ESRP2: variants seen among roughly 807,000 people sequenced by gnomAD.
The protein encoded by ESRP2 is RNA binding motif protein 35A.
ESRP2 carries 48 observed loss-of-function variants against 78.6 expected under a neutral mutation model. That is an observed-to-expected ratio of 0.61 (90% CI 0.48 to 0.78). ESRP2 has a LOEUF of 0.78. Among genes scored for constraint, ESRP2 ranks in the 30% least tolerant of loss-of-function variants. ESRP2 has a pLI of 0.00. For synonymous variants in ESRP2, 383 were observed against 406.7 expected (o/e 0.94, Z 0.70); for missense variants, 863 against 965.9 (o/e 0.89, Z 1.41).
At position 68,230,371 on chromosome 16, in the gene ESRP2, C is replaced by G; in HGVS notation, c.2064+18G>C. 1 of 1,614,092 alleles carries G rather than the reference C, an allele frequency of 6.2e-7. No homozygotes were observed. The highest frequency in any genetic ancestry group is 8.5e-7 in the Non-Finnish European group (1 of 1,179,948). On this transcript the variant is annotated intron_variant, in intron 14 of 14. Coordinates refer to ENST00000473183, the MANE Select transcript of ESRP2 (RefSeq NM_024939.3). Reference sequence around the variant, plus strand: ...AGCTCAGCCAGACCCGCCAGGCCCTCCGGCCACACAATCTCACCTGGTAGG... The same window carrying G: ...AGCTCAGCCAGACCCGCCAGGCCCTGCGGCCACACAATCTCACCTGGTAGG...
chr16:68,230,120 G>A lies in ESRP2; in HGVS notation c.*106C>T. The A allele has an allele frequency of 9.2e-7, 1 of 1,085,360 alleles. No homozygotes were observed. The highest frequency in any genetic ancestry group is 1.4e-6 in the Non-Finnish European group (1 of 715,986). 67.2% of individuals were successfully genotyped at this position (1,085,360 alleles called of 1,614,324 possible). A position where few individuals can be genotyped will look rare whatever the true frequency, so the allele number is the denominator to read the frequency against. On this transcript the variant is annotated 3_prime_UTR_variant, in exon 15 of 15. Coordinates refer to ENST00000473183, the MANE Select transcript of ESRP2 (RefSeq NM_024939.3). ...CCTCTAGGTACCTTCTGAGAGCTTT[G>A]ACAAGCCAGAAAGAAGCTACCAGGT...
At position 68,233,392 on chromosome 16, in the gene ESRP2, T is replaced by C; in HGVS notation, c.590A>G (p.Asp197Gly). Reference protein sequence around the residue: ...LGLETDATEDDFGVWEVKTMV... With the variant: ...LGLETDATEDGFGVWEVKTMV... Reference sequence around the variant, plus strand: ...TGTCTTGACTTCCCAGACCCCAAAGTCATCCTCTGTGGCATCTGTCTCCAG... The same window carrying C: ...TGTCTTGACTTCCCAGACCCCAAAGCCATCCTCTGTGGCATCTGTCTCCAG... Residue 197 changes from aspartate (D) to glycine (G), a missense_variant, in exon 5 of 15, where the codon GAC (aspartate) becomes GGC (glycine). Coordinates refer to ENST00000473183, the MANE Select transcript of ESRP2 (RefSeq NM_024939.3). The C allele has an allele frequency of 6.2e-7, 1 of 1,614,038 alleles. No homozygotes were observed. Among genetic ancestry groups the C allele is most frequent in the Non-Finnish European group, 8.5e-7 (1 of 1,179,942 alleles).
chr16:68,232,609 C>G lies in ESRP2; in HGVS notation c.789G>C (p.Val263=), dbSNP rs2042160300. 1 of 1,614,208 alleles carries G rather than the reference C, an allele frequency of 6.2e-7. No individual in the cohort carries two copies. Among genetic ancestry groups the G allele is most frequent in the Admixed American group, 1.7e-5 (1 of 60,020 alleles). The change falls in exon 7 of 15, where the codon GTG becomes GTC. Residue 263 remains valine, a synonymous_variant. Coordinates refer to ENST00000473183, the MANE Select transcript of ESRP2 (RefSeq NM_024939.3). This position sits in a 1 kb window ranked among gnomAD's most constrained non-coding sequence, Gnocchi z 5.2. ...CGTTGAGCCCTTTGAAGAAGCGAGCCACGTCCTGGTCTGATGACTGCCACG... is the reference window on the plus strand; with the variant it reads ...CGTTGAGCCCTTTGAAGAAGCGAGCGACGTCCTGGTCTGATGACTGCCACG... ...GLPWQSSDQD[V]ARFFKGLNVA...
Position 68,233,769 on chromosome 16 carries a change from C to G in ESRP2, c.555G>C (p.Gln185His), listed in dbSNP as rs755229642. 4 of 1,612,112 alleles carry G rather than the reference C, an allele frequency of 2.5e-6. No homozygotes were observed. The highest frequency in any genetic ancestry group is 4.5e-5 in the East Asian group (2 of 44,878). The change falls in exon 4 of 15, where the codon CAG becomes CAC. Residue 185 changes from glutamine (Q) to histidine (H), a missense_variant and splice_region_variant. By Grantham distance (24) the Gln-to-His change is conservative. Coordinates refer to ENST00000473183, the MANE Select transcript of ESRP2 (RefSeq NM_024939.3). Reference sequence around the variant, plus strand: ...CTAACCCTGCTGGGTCACAGATACCCTGTGCCATGGTGGCCACAGTGAGGT... The same window carrying G: ...CTAACCCTGCTGGGTCACAGATACCGTGTGCCATGGTGGCCACAGTGAGGT... ...ARDLTVATMA[Q>H]GLGLETDATE...
rs1313714654 is a variant in ESRP2, at chr16:68,232,909, A to AAATG, written c.656-98_656-95dup. The AAATG allele has an allele frequency of 6.4e-7, 1 of 1,563,638 alleles. No individual in the cohort carries two copies. Among genetic ancestry groups the AAATG allele is most frequent in the Non-Finnish European group, 8.8e-7 (1 of 1,140,836 alleles). ...AAGTGGACAATTGAGAGAGATGAAG[A>AAATG]AATGACAGGCCGAGCACAGTGGCTC... On this transcript the variant is annotated intron_variant, in intron 5 of 14. Coordinates refer to ENST00000473183, the MANE Select transcript of ESRP2 (RefSeq NM_024939.3). This position sits in a 1 kb window ranked among gnomAD's most constrained non-coding sequence, Gnocchi z 5.2.
Position 68,232,949 on chromosome 16 carries a change from A to C in ESRP2, c.656-134T>G. On this transcript the variant is annotated intron_variant, in intron 5 of 14. Transcript: ENST00000473183. This position sits in a 1 kb window ranked among gnomAD's most constrained non-coding sequence, Gnocchi z 5.2. ...CACAGTGGCTCACGCCTATAATCCC[A>C]GCACTTTGGGAGGCCAAGGTGGGTG... 1.5e-6 allele frequency: 2 copies of C among 1,311,680 alleles called. No individual in the cohort carries two copies. Among genetic ancestry groups the C allele is most frequent in the Non-Finnish European group, 2.1e-6 (2 of 940,218 alleles). 81.3% of individuals were successfully genotyped at this position (1,311,680 alleles called of 1,614,324 possible).
chr16:68,232,043 C>G lies in ESRP2; in HGVS notation c.1058G>C (p.Arg353Pro). The G allele has an allele frequency of 6.2e-7, 1 of 1,614,016 alleles. No individual in the cohort carries two copies. Among genetic ancestry groups the G allele is most frequent in the Non-Finnish European group, 8.5e-7 (1 of 1,179,972 alleles). Residue 353 changes from arginine to proline, a missense_variant, in exon 10 of 15, where the codon CGG becomes CCG. By Grantham distance (103) the Arg-to-Pro change is moderately radical. Coordinates refer to ENST00000473183, the MANE Select transcript of ESRP2 (RefSeq NM_024939.3). This position sits in a 1 kb window ranked among gnomAD's most constrained non-coding sequence, Gnocchi z 5.2. The part of the protein sequence containing the change: ...SREDQVILRL[R>P]GLPFSAGPTD... ...TGGCCCAGCCGAGAAGGGCAGTCCC[C>G]GCAGCCGCAGGATCACTTGGTCTTC...
In ESRP2 at chr16:68,235,933, G is replaced by A; in HGVS notation, c.113C>T (p.Ala38Val). The A allele has an allele frequency of 6.2e-7, 1 of 1,611,448 alleles. No individual in the cohort carries two copies. Among genetic ancestry groups the A allele is most frequent in the Non-Finnish European group, 8.5e-7 (1 of 1,179,438 alleles). Residue 38 changes from alanine (A) to valine (V), a missense_variant, in exon 1 of 15, where the codon GCG becomes GTG. By Grantham distance (64) the Ala-to-Val change is moderately conservative (BLOSUM62 0). Transcript: ENST00000473183. This position sits in a 1 kb window ranked among gnomAD's most constrained non-coding sequence, Gnocchi z 5.5. ...GCCCAGGTCCCGTCCCAGCGCACCC[G>A]CCGTAGCCCCGAAGAGGACGACCAG... ...GSLVVLFGAT[A>V]GALGRDLGSD...
chr16:68,235,151 G>C lies in ESRP2; in HGVS notation c.327+483C>G. On this transcript the variant is annotated intron_variant, in intron 2 of 14. Transcript: ENST00000473183. The surrounding 1 kb of genome is among the most constrained non-coding windows in gnomAD (Gnocchi z 5.5). ...TGGCCAGCCGGCCGGGACAGGCCTAGACGAGCAGTTTACACCTGGCGGCGT... is the reference window on the plus strand; with the variant it reads ...TGGCCAGCCGGCCGGGACAGGCCTACACGAGCAGTTTACACCTGGCGGCGT... 1.0e-6 allele frequency: 1 copy of C among 999,856 alleles called. No homozygotes were observed. Among genetic ancestry groups the C allele is most frequent in the Non-Finnish European group, 1.2e-6 (1 of 838,462 alleles). 61.9% of individuals were successfully genotyped at this position (999,856 alleles called of 1,614,324 possible).
Position 68,230,840 on chromosome 16 carries a change from C to T in ESRP2, c.1898+1G>A, listed in dbSNP as rs2042124235. On this transcript the variant is annotated splice_donor_variant, in intron 13 of 14. Coordinates refer to ENST00000473183, the MANE Select transcript of ESRP2 (RefSeq NM_024939.3). LOFTEE classifies it high-confidence loss of function. ...GTGATATTCTCTTAGCTGCAGGGTACCTTGGGTAGTAGGCTGTGTAGTTCA... is the reference window on the plus strand; with the variant it reads ...GTGATATTCTCTTAGCTGCAGGGTATCTTGGGTAGTAGGCTGTGTAGTTCA... 1 of 1,613,868 alleles carries T rather than the reference C, an allele frequency of 6.2e-7. No individual in the cohort carries two copies. The highest frequency in any genetic ancestry group is 1.3e-5 in the African/African-American group (1 of 74,864).
At position 68,232,288 on chromosome 16, in the gene ESRP2, C is replaced by A; in HGVS notation, c.955G>T (p.Val319Leu). 1 of 1,614,202 alleles carries A rather than the reference C, an allele frequency of 6.2e-7. No individual in the cohort carries two copies. Among genetic ancestry groups the A allele is most frequent in the Non-Finnish European group, 8.5e-7 (1 of 1,180,026 alleles). ...KHHMGVRYIE[V>L]YKATGEEFVK... is the part of the protein sequence containing the mutation. ...AACTCCTCCCCTGTCGCTTTATACA[C>A]CTGTGGGTACAGAGAGCAGCAGCCC... The change falls in exon 9 of 15, where the codon GTG (valine) becomes TTG (leucine). Residue 319 changes from valine to leucine, a missense_variant and splice_region_variant. Val to Leu is a conservative substitution (Grantham distance 32, BLOSUM62 1). Transcript: ENST00000473183. This position sits in a 1 kb window ranked among gnomAD's most constrained non-coding sequence, Gnocchi z 5.2.
chr16:68,234,246 C>A, intron 2 of ESRP2, 139 bp from the exon 3 acceptor site: 1 of 657,656 alleles, frequency 1.5e-6, no homozygotes, highest in Non-Finnish European at 2.6e-6. Context: ...AATAAGAGGC[C>A]ACGCCTGTTG....
Position 68,231,007 on chromosome 16 carries a change from T to C in ESRP2, c.1732A>G (p.Thr578Ala), listed in dbSNP as rs1220955655. 3.1e-6 allele frequency: 5 copies of C among 1,595,182 alleles called. No homozygotes were observed. Among genetic ancestry groups the C allele is most frequent in the Middle Eastern group, 1.7e-4 (1 of 5,932 alleles). Reference protein sequence around the residue: ...KLPCLSPPTYTTFQATPTLIP... With the variant: ...KLPCLSPPTYATFQATPTLIP... ...AGCGTTGGGGTGGCTTGGAAGGTGG[T>C]GTAGGTAGGTGGTGAGAGGCCTAGA... The change falls in exon 13 of 15, where the codon ACC (threonine) becomes GCC (alanine). Residue 578 changes from threonine to alanine, a missense_variant. Physicochemically the swap from Thr to Ala is moderately conservative, Grantham distance 58. Transcript: ENST00000473183. This position sits in a 1 kb window ranked among gnomAD's most constrained non-coding sequence, Gnocchi z 6.0.
Position 68,231,482 on chromosome 16 carries a change from C to A in ESRP2, c.1512G>T (p.Gln504His), listed in dbSNP as rs1310204853. 1 of 1,614,072 alleles carries A rather than the reference C, an allele frequency of 6.2e-7. No individual in the cohort carries two copies. ...PHGVHMVLNQ[Q>H]GRPSGDAFIQ... ...TCCCCCTACCAAGCAGTGGCTTCAC[C>A]TGCTGGTTGAGCACCATGTGTACAC... Residue 504 changes from glutamine to histidine, a missense_variant and splice_region_variant, in exon 11 of 15, where the codon CAG becomes CAT. Gln to His is a conservative substitution (Grantham distance 24). Transcript: ENST00000473183. This position sits in a 1 kb window ranked among gnomAD's most constrained non-coding sequence, Gnocchi z 6.0.
Position 68,230,984 on chromosome 16 carries a change from C to T in ESRP2, c.1755G>A (p.Thr585=), listed in dbSNP as rs1253352639. The change falls in exon 13 of 15, where the codon ACG becomes ACA. Residue 585 remains threonine (T), a synonymous_variant. Coordinates refer to ENST00000473183, the MANE Select transcript of ESRP2 (RefSeq NM_024939.3). ...PTYTTFQATP[T]LIPTETAALY... Reference sequence around the variant, plus strand: ...GAGCTGCCGTCTCCGTGGGAATGAGCGTTGGGGTGGCTTGGAAGGTGGTGT... The same window carrying T: ...GAGCTGCCGTCTCCGTGGGAATGAGTGTTGGGGTGGCTTGGAAGGTGGTGT... The T allele has an allele frequency of 1.2e-6, 2 of 1,602,832 alleles. No homozygotes were observed. Among genetic ancestry groups the T allele is most frequent in the Non-Finnish European group, 1.7e-6 (2 of 1,174,726 alleles).
At position 68,230,248 on chromosome 16, in the gene ESRP2, G is replaced by C. The variant is rs756381379; in HGVS notation, c.2132C>G (p.Pro711Arg). 7 of 1,614,060 alleles carry C rather than the reference G, an allele frequency of 4.3e-6. No individual in the cohort carries two copies. Among genetic ancestry groups the C allele is most frequent in the Non-Finnish European group, 5.9e-6 (7 of 1,180,028 alleles). ...GDPPRTVLQA[P>R]KEWVCL ...CTCCTACAAACACACCCATTCCTTG[G>C]GGGCTTGTAACACAGTGCGAGGTGG... The change falls in exon 15 of 15, where the codon CCC becomes CGC. Residue 711 changes from proline to arginine, a missense_variant. Pro to Arg is a moderately radical substitution (Grantham distance 103). Coordinates refer to ENST00000473183, the MANE Select transcript of ESRP2 (RefSeq NM_024939.3).
Position 68,230,125 on chromosome 16 carries a change from G to T in ESRP2, c.*101C>A. 1 of 1,132,768 alleles carries T rather than the reference G, an allele frequency of 8.8e-7. No individual in the cohort carries two copies. The highest frequency in any genetic ancestry group is 1.3e-6 in the Non-Finnish European group (1 of 755,048). The allele number at this position is 1,132,768 out of a possible 1,614,324, so 70.2% of individuals were successfully genotyped here. A position where few individuals can be genotyped will look rare whatever the true frequency, so the allele number is the denominator to read the frequency against. ...AGGTACCTTCTGAGAGCTTTGACAAGCCAGAAAGAAGCTACCAGGTTGAGG... is the reference window on the plus strand; with the variant it reads ...AGGTACCTTCTGAGAGCTTTGACAATCCAGAAAGAAGCTACCAGGTTGAGG... On this transcript the variant is annotated 3_prime_UTR_variant, in exon 15 of 15. Coordinates refer to ENST00000473183, the MANE Select transcript of ESRP2 (RefSeq NM_024939.3).
chr16:68,235,276 C>G lies in ESRP2; in HGVS notation c.327+358G>C. 2 of 985,442 alleles carry G rather than the reference C, an allele frequency of 2.0e-6. No homozygotes were observed. Among genetic ancestry groups the G allele is most frequent in the Non-Finnish European group, 2.4e-6 (2 of 829,926 alleles). 61.0% of individuals were successfully genotyped at this position (985,442 alleles called of 1,614,324 possible). ...GGACAGGTGACCTATATGGGCCCCT[C>G]GACCCCTTTCGCTTCCGGCTGCGGC... On this transcript the variant is annotated intron_variant, in intron 2 of 14. Coordinates refer to ENST00000473183, the MANE Select transcript of ESRP2 (RefSeq NM_024939.3). This position sits in a 1 kb window ranked among gnomAD's most constrained non-coding sequence, Gnocchi z 5.5.
chr16:68,230,704 A>G lies in ESRP2; in HGVS notation c.1898+137T>C. 4 of 1,428,626 alleles carry G rather than the reference A, an allele frequency of 2.8e-6. No homozygotes were observed. The South Asian group carries it at 4.0e-5, about 14-fold the overall frequency. The allele number at this position is 1,428,626 out of a possible 1,614,324, so 88.5% of individuals were successfully genotyped here. A position where few individuals can be genotyped will look rare whatever the true frequency, so the allele number is the denominator to read the frequency against. On this transcript the variant is annotated intron_variant, in intron 13 of 14. Coordinates refer to ENST00000473183, the MANE Select transcript of ESRP2 (RefSeq NM_024939.3). Reference sequence around the variant, plus strand: ...CAGAGTCATTTTCGATCTGTTTTGTAGATGGCATTAGCCAGCTGCCACCTT... The same window carrying G: ...CAGAGTCATTTTCGATCTGTTTTGTGGATGGCATTAGCCAGCTGCCACCTT...
Sources: allele counts gnomAD v4.1 joint callset, GRCh38; gene constraint gnomAD v4.1.1; non-coding constraint Gnocchi (gnomAD v3.1); transcripts MANE v1.5; gene names NCBI Gene and HGNC (gene_info 2026-07-23, HGNC 2026-07-21).